COL22A1: variants seen among roughly 807,000 people sequenced by gnomAD.
COL22A1 encodes collagen type XXII alpha 1 chain.
A neutral mutation model predicts 248.9 loss-of-function variants in COL22A1; 221 were observed. The ratio of observed to expected loss-of-function variants is 0.89; its 90% CI spans 0.80 to 0.99. COL22A1 has a LOEUF of 0.99. Among genes scored for constraint, COL22A1 ranks in the 50% least tolerant of loss-of-function variants. The pLI is 0.00. For synonymous variants in COL22A1, 891 were observed against 793.4 expected, an observed-to-expected ratio of 1.12 and a Z score of -2.07; for missense variants, 2,240 against 2,179.0, an observed-to-expected ratio of 1.03 and a Z score of -0.56.
chr8:138,650,359 C>A (rs4909825), intron 45 of COL22A1, among the ~76,000 whole-genome samples: 13,097 of 152,230 alleles, frequency 0.086, 742 homozygotes, highest in East Asian at 0.2. Context: ...AGCACTTAAT[C>A]AATGTTCCCT....
intron 33 of COL22A1, 117 bp downstream of exon 33, chr8:138,694,709 C>A: frequency 7.2e-7 from 1 of 1,394,154 alleles, no homozygotes; most frequent in South Asian, 1.3e-5. Flanking sequence ...GGCTGCCTTC[C>A]ATTCAGTGTG....
chr8:138,671,292 A>C (rs1052552264), intron 41 of COL22A1, among the ~76,000 whole-genome samples: 6 of 152,226 alleles, frequency 3.9e-5, no homozygotes, highest in Admixed American at 3.9e-4. Context: ...AAAAGTTACA[A>C]TTTGTTAAAA....
rs1271876473 is a variant in COL22A1, at chr8:138,864,302, C to T, written c.658+13448G>A. Reference sequence around the variant, plus strand: ...GGGCCCAGGGGGCTTTAAGGGGCAGCTGTCTGTCAGGTTTGTGGACAGAAC... The same window carrying T: ...GGGCCCAGGGGGCTTTAAGGGGCAGTTGTCTGTCAGGTTTGTGGACAGAAC... On this transcript the variant is annotated intron_variant, in intron 3 of 64. Coordinates refer to ENST00000303045, the MANE Select transcript of COL22A1 (RefSeq NM_152888.3). 2.6e-5 allele frequency among the ~76,000 whole-genome samples: 4 copies of T among 152,134 alleles called. No homozygotes were observed. In the East Asian group the frequency reaches 5.8e-4, roughly 22 times the overall value.
In COL22A1 at chr8:138,716,246, C is replaced by G; in HGVS notation, c.2444G>C (p.Arg815Thr). 6.3e-7 allele frequency: 1 copy of G among 1,590,714 alleles called. No homozygotes were observed. Among genetic ancestry groups the G allele is most frequent in the African/African-American group, 1.3e-5 (1 of 74,808 alleles). ...ACTTACCTGGTCTCCTTTCTCTCCT[C>G]TCACACCTGGGAAGCCTGGAGCCCC... ...LPGAPGFPGV[R>T]GEKGDQGEKG... Residue 815 changes from arginine to threonine, a missense_variant, in exon 29 of 65, where the codon AGA (arginine) becomes ACA (threonine). Transcript: ENST00000303045.
intron 1 of COL22A1, among the ~76,000 whole-genome samples, chr8:138,887,077 A>G (rs1468950307): frequency 6.6e-6 from 1 of 152,114 alleles, no homozygotes; most frequent in Non-Finnish European, 1.5e-5. Flanking sequence ...TACACTCTTT[A>G]TTTTAAAATG....
Position 138,833,087 on chromosome 8 carries a change from T to C in COL22A1, c.797A>G (p.Gln266Arg). 2 of 1,614,048 alleles carry C rather than the reference T, an allele frequency of 1.2e-6. No homozygotes were observed. Among genetic ancestry groups the C allele is most frequent in the Non-Finnish European group, 1.7e-6 (2 of 1,179,878 alleles). ...GGATCCCATCCGTACATAGGAACTC[T>C]GAGCTCCATTCTCTCTCTTCCCCAA... ...EILGKRENGA[Q>R]SSYVRMGSFP... Residue 266 changes from glutamine (Q) to arginine (R), a missense_variant, in exon 5 of 65, where the codon CAG becomes CGG. Physicochemically the swap from Gln to Arg is conservative, Grantham distance 43. Coordinates refer to ENST00000303045, the MANE Select transcript of COL22A1 (RefSeq NM_152888.3).
chr8:138,885,995 T>TA (rs1563888051), intron 1 of COL22A1, among the ~76,000 whole-genome samples: 4 of 152,084 alleles, frequency 2.6e-5, no homozygotes, highest in African/African-American at 7.2e-5. Context: ...TTAGGTTATA[T>TA]CTATCCTCCA....
chr8:138,726,732 T>G (rs1586584391), intron 23 of COL22A1, among the ~76,000 whole-genome samples: 1 of 151,846 alleles, frequency 6.6e-6, no homozygotes, highest in African/African-American at 2.4e-5. Context: ...CTGTTGAAGG[T>G]ATTGCGTTTT....
intron 34 of COL22A1, 75 bp downstream of exon 34, chr8:138,694,433 G>A (rs369407655): frequency 2.8e-4 from 398 of 1,429,718 alleles, no homozygotes; most frequent in Non-Finnish European, 3.7e-4. Context: ...AACTGGGGAG[G>A]GTGGCCTGGA....
chr8:138,752,053 C>T (rs758017878), intron 21 of COL22A1, among the ~76,000 whole-genome samples: 1 of 152,206 alleles, frequency 6.6e-6, no homozygotes, highest in Non-Finnish European at 1.5e-5. Context: ...CGTCCTGCCT[C>T]GATTCTGCCT....
intron 8 of COL22A1, among the ~76,000 whole-genome samples, chr8:138,812,180 C>T (rs925345919): frequency 1.3e-5 from 2 of 152,230 alleles, no homozygotes; most frequent in African/African-American, 4.8e-5. Context: ...TGTCCCTATT[C>T]TCACCTCCTC....
At chr8:138,787,716 C>CA (rs1204724839) in intron 12 of COL22A1, among the ~76,000 whole-genome samples, 1 of 152,178 alleles carries the variant, frequency 6.6e-6, no homozygotes, top group African/African-American at 2.4e-5. Context: ...TGCTGTGACT[C>CA]AAAATCAGGG....
chr8:138,899,506 C>T (rs918988886), intron 1 of COL22A1, among the ~76,000 whole-genome samples: 16 of 152,078 alleles, frequency 1.1e-4, no homozygotes, highest in South Asian at 4.2e-4. Context: ...TGCATTAATA[C>T]GTCTTTGCTA....
intron 26 of COL22A1, 23 bp from the exon 27 acceptor site, chr8:138,720,815 T>C (rs1829814949): frequency 1.9e-6 from 3 of 1,593,946 alleles, no homozygotes; most frequent in Non-Finnish European, 2.6e-6. Context: ...CAGAGCAAAG[T>C]TAACAGGAGA....
At position 138,905,173 on chromosome 8, in the gene COL22A1, C is replaced by T. The variant is rs141842579; in HGVS notation, c.-73+8446G>A. On this transcript the variant is annotated intron_variant, in intron 1 of 64. Transcript: ENST00000303045. ...TACCAAAGAATCTTTTTCAGTGCTTCCTTCACACTCACAACACTTTTTGCA... is the reference window on the plus strand; with the variant it reads ...TACCAAAGAATCTTTTTCAGTGCTTTCTTCACACTCACAACACTTTTTGCA... 1.2e-4 allele frequency among the ~76,000 whole-genome samples: 18 copies of T among 152,296 alleles called. No homozygotes were observed. The East Asian group carries it at 3.3e-3, about 28-fold the overall frequency.
chr8:138,894,584 A>T (rs1304156962), intron 1 of COL22A1, among the ~76,000 whole-genome samples: 1 of 152,214 alleles, frequency 6.6e-6, no homozygotes, highest in Non-Finnish European at 1.5e-5. Flanking sequence ...TCAAAGGCAG[A>T]TGGGCACTTG....
At chr8:138,879,280 A>C (rs1163502872) in intron 2 of COL22A1, among the ~76,000 whole-genome samples, 1 of 152,190 alleles carries the variant, frequency 6.6e-6, no homozygotes, top group African/African-American at 2.4e-5. Flanking sequence ...TAATTGATTT[A>C]GCAAGCGCTC....
At chr8:138,813,840 T>G (rs886548015) in intron 7 of COL22A1, among the ~76,000 whole-genome samples, 1 of 151,700 alleles carries the variant, frequency 6.6e-6, no homozygotes, top group African/African-American at 2.4e-5. Context: ...ACAAGATCCT[T>G]AATGATGCTA....
chr8:138,906,478 CA>C (rs1055211946), intron 1 of COL22A1, among the ~76,000 whole-genome samples: 2 of 152,138 alleles, frequency 1.3e-5, no homozygotes, highest in African/African-American at 4.8e-5. Flanking sequence ...GCGCACAGAG[CA>C]GTATCATGTA....
Sources: gnomAD v4.1 joint callset for allele counts (sites outside exome capture counted in the v4.1 genomes callset) on GRCh38, gnomAD v4.1.1 for gene constraint, MANE v1.5 for transcripts, NCBI Gene and HGNC (gene_info 2026-07-23, HGNC 2026-07-21) for gene names.